Variants in CYP11A1 observed in about 807,000 individuals in gnomAD.
CYP11A1 encodes cytochrome P450 family 11 subfamily A member 1.
Under a neutral mutation model 51.9 loss-of-function variants are expected in CYP11A1, and 25 were observed. The observed-to-expected ratio is 0.48, with a 90% CI of 0.35 to 0.67. The LOEUF is 0.67. Among genes scored for constraint, CYP11A1 ranks in the 30% least tolerant of loss-of-function variants. The probability of loss-of-function intolerance (pLI) is 0.00; values close to 1 mark genes in which losing one functional copy is unlikely to be tolerated. For synonymous variants in CYP11A1, 245 were observed against 262.1 expected, an observed-to-expected ratio of 0.93 and a Z score of 0.63; for missense variants, 578 against 680.9, an observed-to-expected ratio of 0.85 and a Z score of 1.68.
At chr15:74,359,038 G>T (rs2060694712) in intron 1 of CYP11A1, among the ~76,000 whole-genome samples, 1 of 152,124 alleles carries the variant, frequency 6.6e-6, no homozygotes, top group South Asian at 2.1e-4. Flanking sequence ...GGATGTCCTG[G>T]GTCCTCCCAA....
intron 1 of CYP11A1, chr15:74,361,498 A>G: frequency 1.8e-6 from 1 of 553,132 alleles, no homozygotes; most frequent in South Asian, 1.8e-5. Context: ...ATAGTTTATA[A>G]CCTGTCGCTT....
intron 6 of CYP11A1, 106 bp from the exon 7 acceptor site, chr15:74,339,421 G>T: frequency 7.1e-7 from 1 of 1,406,136 alleles, no homozygotes; most frequent in Admixed American, 1.8e-5. Context: ...GCAGCCTGGG[G>T]GGACCTGGGG....
intron 5 of CYP11A1, among the ~76,000 whole-genome samples, chr15:74,341,603 G>T (rs758765226): frequency 2.6e-5 from 4 of 152,134 alleles, no homozygotes; most frequent in Non-Finnish European, 5.9e-5. Flanking sequence ...TTTGTCAGTG[G>T]CAGGTGCTTG....
At chr15:74,340,814 C>A (rs568144679) in intron 5 of CYP11A1, among the ~76,000 whole-genome samples, 1 of 152,196 alleles carries the variant, frequency 6.6e-6, no homozygotes, top group East Asian at 1.9e-4. Flanking sequence ...CCCCTCAACA[C>A]CTGCCTGCTG....
chr15:74,345,117 C>T lies in CYP11A1; in HGVS notation c.552G>A (p.Arg184=). Residue 184 remains arginine, a synonymous_variant, in exon 3 of 9, where the codon AGG becomes AGA. Transcript: ENST00000268053. This position sits in a 1 kb window ranked among gnomAD's most constrained non-coding sequence, Gnocchi z 4.3. ...VSRDFVSVLH[R]RIKKAGSGNY... is the part of the protein sequence containing the mutation. Reference sequence around the variant, plus strand: ...TTCCGGAGCCCGCCTTCTTGATGCGCCTGTGCAGGACACTGACGAAGTCCC... The same window carrying T: ...TTCCGGAGCCCGCCTTCTTGATGCGTCTGTGCAGGACACTGACGAAGTCCC... The T allele has an allele frequency of 6.2e-7, 1 of 1,614,170 alleles. No homozygotes were observed. Among genetic ancestry groups the T allele is most frequent in the Non-Finnish European group, 8.5e-7 (1 of 1,180,014 alleles).
intron 1 of CYP11A1, chr15:74,366,235 C>T: frequency 3.0e-6 from 3 of 984,548 alleles, no homozygotes; most frequent in Non-Finnish European, 3.6e-6. Flanking sequence ...CACGCTGCGA[C>T]CTTTTCACTC....
Position 74,337,935 on chromosome 15 carries a change from G to T in CYP11A1, c.*37C>A. ...GAGACCCCATGGGCCCCACCCCTGG[G>T]CCTTCCTCCCATGTGGCTGCAGGCC... On this transcript the variant is annotated 3_prime_UTR_variant, in exon 9 of 9. Coordinates refer to ENST00000268053, the MANE Select transcript of CYP11A1 (RefSeq NM_000781.3). 1 of 1,612,854 alleles carries T rather than the reference G, an allele frequency of 6.2e-7. No homozygotes were observed. Among genetic ancestry groups the T allele is most frequent in the South Asian group, 1.1e-5 (1 of 91,002 alleles).
intron 6 of CYP11A1, 48 bp downstream of exon 6, chr15:74,339,539 C>G (rs764260204): frequency 2.5e-6 from 4 of 1,600,042 alleles, no homozygotes; most frequent in Non-Finnish European, 3.4e-6. Flanking sequence ...TTCCCTGGCC[C>G]TGCCCAGGGA....
At chr15:74,348,228 C>A (rs1459496106) in intron 1 of CYP11A1, 173 bp from the exon 2 acceptor site, 4 of 659,896 alleles carry the variant, frequency 6.1e-6, no homozygotes, top group Non-Finnish European at 1.0e-5. Context: ...AAATACAGTA[C>A]CTGTCTCGCA....
At chr15:74,344,066 T>A in intron 3 of CYP11A1, 74 bp from the exon 4 acceptor site, 2 of 1,251,222 alleles carry the variant, frequency 1.6e-6, no homozygotes, top group Non-Finnish European at 2.3e-6. Context: ...CAGGGACTCC[T>A]CCACCCTCAC....
At chr15:74,351,783 T>C (rs1378620011) in intron 1 of CYP11A1, among the ~76,000 whole-genome samples, 1 of 152,248 alleles carries the variant, frequency 6.6e-6, no homozygotes, top group African/African-American at 2.4e-5. Flanking sequence ...GAGTTGCATG[T>C]ATCCAGGCTT....
At chr15:74,360,985 A>G (rs2060705889) in intron 1 of CYP11A1, among the ~76,000 whole-genome samples, 1 of 152,220 alleles carries the variant, frequency 6.6e-6, no homozygotes, top group Non-Finnish European at 1.5e-5. Context: ...AGAACAGTAG[A>G]AAGTGTTGGG....
chr15:74,366,385 G>C (rs995261433), intron 1 of CYP11A1, among the ~76,000 whole-genome samples: 1 of 150,936 alleles, frequency 6.6e-6, no homozygotes, highest in African/African-American at 2.4e-5. Context: ...CTGGGTTCGG[G>C]CGAGTGTCCT....
chr15:74,338,093 T>C lies in CYP11A1; in HGVS notation c.1445A>G (p.Asn482Ser). The C allele has an allele frequency of 1.2e-6, 2 of 1,614,106 alleles. No homozygotes were observed. The highest frequency in any genetic ancestry group is 2.2e-5 in the South Asian group (2 of 91,084). Residue 482 changes from asparagine to serine, a missense_variant, in exon 9 of 9, where the codon AAC becomes AGC. Physicochemically the swap from Asn to Ser is conservative, Grantham distance 46 (BLOSUM62 1). Coordinates refer to ENST00000268053, the MANE Select transcript of CYP11A1 (RefSeq NM_000781.3). The stretch of plus-strand genomic sequence containing the variant: ...GAGGTGTTGGATTTCAACTCTGAAG[T>C]TCTCCAGCATCTGAGAAAGGCAGAT... ...MTIFLINMLENFRVEIQHLSD... is the reference protein window; with the variant it reads ...MTIFLINMLESFRVEIQHLSD...
At position 74,348,036 on chromosome 15, in the gene CYP11A1, C is replaced by G; in HGVS notation, c.289G>C (p.Glu97Gln). Residue 97 changes from glutamate to glutamine, a missense_variant, in exon 2 of 9, where the codon GAG (glutamate) becomes CAG (glutamine). Physicochemically the swap from Glu to Gln is conservative, Grantham distance 29 (BLOSUM62 2). Transcript: ENST00000268053. ...TCAGGGTCGATGACATAAACCGACTCCACGTTGCCGAGCTTCTCCCTGGAG... is the reference window on the plus strand; with the variant it reads ...TCAGGGTCGATGACATAAACCGACTGCACGTTGCCGAGCTTCTCCCTGGAG... Reference protein sequence around the residue: ...PIYREKLGNVESVYVIDPEDV... With the variant: ...PIYREKLGNVQSVYVIDPEDV... 6.2e-7 allele frequency: 1 copy of G among 1,614,206 alleles called. No individual in the cohort carries two copies. The highest frequency in any genetic ancestry group is 8.5e-7 in the Non-Finnish European group (1 of 1,180,020).
rs768847979 is a variant in CYP11A1, at chr15:74,345,219, G to C, written c.450C>G (p.Asp150Glu). 7 of 1,614,062 alleles carry C rather than the reference G, an allele frequency of 4.3e-6. No individual in the cohort carries two copies. The East Asian group carries it at 1.6e-4, about 36-fold the overall frequency. Reference protein sequence around the residue: ...LLKKSAAWKKDRVALNQEVMA... With the variant: ...LLKKSAAWKKERVALNQEVMA... ...TCACCTCCTGGTTCAGGGCCACCCG[G>C]TCTTTCTTCCAGGCTGCCGACTTCC... The change falls in exon 3 of 9, where the codon GAC becomes GAG. Residue 150 changes from aspartate (D) to glutamate (E), a missense_variant. Coordinates refer to ENST00000268053, the MANE Select transcript of CYP11A1 (RefSeq NM_000781.3). This position sits in a 1 kb window ranked among gnomAD's most constrained non-coding sequence, Gnocchi z 4.3.
At chr15:74,357,830 C>A (rs1399791674) in intron 1 of CYP11A1, among the ~76,000 whole-genome samples, 1 of 152,228 alleles carries the variant, frequency 6.6e-6, no homozygotes, top group Non-Finnish European at 1.5e-5. Flanking sequence ...CTCAAAATCA[C>A]AAACTGTGCT....
chr15:74,355,630 A>G (rs750749696), intron 1 of CYP11A1, among the ~76,000 whole-genome samples: 2 of 151,970 alleles, frequency 1.3e-5, no homozygotes, highest in African/African-American at 2.4e-5. Flanking sequence ...CCTCCACCCT[A>G]TAATCCTTCT....
intron 1 of CYP11A1, chr15:74,366,052 G>A: frequency 1.0e-6 from 1 of 985,670 alleles, no homozygotes; most frequent in Non-Finnish European, 1.2e-6. Flanking sequence ...GGTCGACCCG[G>A]GGGGCGGATG....
Sources: gnomAD v4.1 joint callset for allele counts (sites outside exome capture counted in the v4.1 genomes callset) on GRCh38, gnomAD v4.1.1 for gene constraint, Gnocchi (gnomAD v3.1) non-coding constraint, MANE v1.5 for transcripts, NCBI Gene and HGNC (gene_info 2026-07-23, HGNC 2026-07-21) for gene names.